Variants in PARP8 observed in about 807,000 individuals in gnomAD.
PARP8 encodes poly(ADP-ribose) polymerase family member 8.
Under a neutral mutation model 124.1 loss-of-function variants are expected in PARP8, and 51 were observed. The ratio of observed to expected loss-of-function variants is 0.41; its 90% CI spans 0.33 to 0.52. The LOEUF (loss-of-function observed/expected upper bound fraction) is 0.52. Ranked by LOEUF, PARP8 falls within the 20% of genes least tolerant of loss-of-function variation. The pLI, the probability that PARP8 is intolerant of heterozygous loss-of-function variation, is 0.21. For missense variants in PARP8, 860 were observed against 1,018.9 expected, an observed-to-expected ratio of 0.84 and a Z score of 2.12; for synonymous variants, 391 against 361.5, an observed-to-expected ratio of 1.08 and a Z score of -0.93.
chr5:50,705,031 GC>G (rs1753991037), intron 2 of PARP8, among the ~76,000 whole-genome samples: 1 of 152,128 alleles, frequency 6.6e-6, no homozygotes, highest in Admixed American at 6.5e-5. Flanking sequence ...TTACAAATGG[GC>G]AAATTTCAAA....
chr5:50,670,885 T>G (rs903291811), intron 2 of PARP8, among the ~76,000 whole-genome samples: 13 of 152,164 alleles, frequency 8.5e-5, no homozygotes, highest in African/African-American at 2.9e-4. Flanking sequence ...AAAAACAAGG[T>G]GTAATTATTT....
At chr5:50,828,163 C>A in intron 20 of PARP8, 107 bp downstream of exon 20, 1 of 1,125,086 alleles carries the variant, frequency 8.9e-7, no homozygotes, top group Non-Finnish European at 1.3e-6. Context: ...AGTAGATGGT[C>A]ATTCAACAGA....
At chr5:50,680,517 C>T (rs1327479400) in intron 2 of PARP8, among the ~76,000 whole-genome samples, 1 of 152,078 alleles carries the variant, frequency 6.6e-6, no homozygotes, top group Non-Finnish European at 1.5e-5. Context: ...ACTGTTAACA[C>T]AGTTAAAATC....
At chr5:50,780,521 C>T (rs1274676700) in intron 9 of PARP8, among the ~76,000 whole-genome samples, 1 of 152,016 alleles carries the variant, frequency 6.6e-6, no homozygotes, top group African/African-American at 2.4e-5. Flanking sequence ...AGATATTTTC[C>T]TTCACAATAT....
chr5:50,696,573 C>T (rs1168483441), intron 2 of PARP8, among the ~76,000 whole-genome samples: 1 of 152,176 alleles, frequency 6.6e-6, no homozygotes, highest in Non-Finnish European at 1.5e-5. Flanking sequence ...GTTTCATGCT[C>T]TTCATTTTCC....
At chr5:50,795,513 A>G in intron 12 of PARP8, 96 bp downstream of exon 12, 1 of 1,018,068 alleles carries the variant, frequency 9.8e-7, no homozygotes, top group South Asian at 2.2e-5. Flanking sequence ...AAGAAGCAAA[A>G]CTTTGTTTTA....
chr5:50,679,444 C>T (rs530913740), intron 2 of PARP8, among the ~76,000 whole-genome samples: 1 of 152,144 alleles, frequency 6.6e-6, no homozygotes, highest in Non-Finnish European at 1.5e-5. Context: ...ATTTCCCTTT[C>T]TTTAGTTGAA....
intron 17 of PARP8, among the ~76,000 whole-genome samples, chr5:50,823,323 T>G (rs1745977438): frequency 1.3e-5 from 2 of 152,232 alleles, no homozygotes; most frequent in East Asian, 1.9e-4. Flanking sequence ...GCATTTCCAT[T>G]TTGATTCTTG....
At chr5:50,807,843 C>T (rs1744030272) in intron 14 of PARP8, among the ~76,000 whole-genome samples, 1 of 152,054 alleles carries the variant, frequency 6.6e-6, no homozygotes, top group South Asian at 2.1e-4. Context: ...ATCTCATTCT[C>T]TTCTCCTGTC....
At chr5:50,800,416 T>C (rs1000374893) in intron 14 of PARP8, among the ~76,000 whole-genome samples, 1 of 152,194 alleles carries the variant, frequency 6.6e-6, no homozygotes, top group Non-Finnish European at 1.5e-5. Flanking sequence ...TGCCTTTTAT[T>C]ACTTTTCCTT....
chr5:50,693,615 A>G (rs1752718170), intron 2 of PARP8, among the ~76,000 whole-genome samples: 3 of 151,902 alleles, frequency 2.0e-5, no homozygotes, highest in Admixed American at 1.3e-4. Flanking sequence ...CTTAATTTAT[A>G]TAATTTATAT....
upstream of PARP8, chr5:50,665,977 C>T (rs1375071627): frequency 6.6e-6 from 1 of 152,220 alleles, no homozygotes; most frequent in East Asian, 1.9e-4. Context: ...AAAATCAAGC[C>T]AAACAGGTTT....
chr5:50,747,797 G>A (rs1189860640), intron 2 of PARP8, among the ~76,000 whole-genome samples: 1 of 122,676 alleles, frequency 8.2e-6, no homozygotes, highest in East Asian at 2.3e-4. Flanking sequence ...TTTTGAGACG[G>A]AGTCTCGCTC....
chr5:50,736,970 G>T (rs747749366), intron 2 of PARP8, among the ~76,000 whole-genome samples: 3 of 152,152 alleles, frequency 2.0e-5, no homozygotes, highest in Admixed American at 6.6e-5. Context: ...ATTTTCATAA[G>T]AAAGATGGGA....
intron 2 of PARP8, among the ~76,000 whole-genome samples, chr5:50,745,619 A>G (rs1758462343): frequency 6.6e-6 from 1 of 152,176 alleles, no homozygotes; most frequent in Non-Finnish European, 1.5e-5. Flanking sequence ...GGAGGTAGAC[A>G]AAGGAATGAA....
At chr5:50,736,154 C>G (rs369246982) in intron 2 of PARP8, among the ~76,000 whole-genome samples, 3 of 151,920 alleles carry the variant, frequency 2.0e-5, no homozygotes, top group Non-Finnish European at 2.9e-5. Context: ...CCCCACCCAC[C>G]GAAAGCATAC....
intron 2 of PARP8, among the ~76,000 whole-genome samples, chr5:50,698,497 G>T (rs1216769899): frequency 6.6e-6 from 1 of 152,058 alleles, no homozygotes; most frequent in African/African-American, 2.4e-5. Context: ...GTGATAAAAT[G>T]ACCCTGTGCT....
At chr5:50,837,073 C>T (rs1268348180) in intron 25 of PARP8, among the ~76,000 whole-genome samples, 6 of 151,932 alleles carry the variant, frequency 3.9e-5, no homozygotes, top group Admixed American at 1.3e-4. Context: ...GTACATGTTG[C>T]GGGGGGTGTT....
chr5:50,802,301 GGATTAATACCAACTT>G (rs1743313614), intron 14 of PARP8, among the ~76,000 whole-genome samples: 1 of 151,952 alleles, frequency 6.6e-6, no homozygotes, highest in Non-Finnish European at 1.5e-5. Flanking sequence ...AATCTAGTTT[GGATTAATACCAACTT>G]GATTTTTTTT....
Sources: allele counts gnomAD v4.1 joint callset (sites outside exome capture counted in the v4.1 genomes callset), GRCh38; gene constraint gnomAD v4.1.1; transcripts MANE v1.5; gene names NCBI Gene and HGNC (gene_info 2026-07-23, HGNC 2026-07-21).